The following BAIAP3 variants were observed in gnomAD, a reference collection of about 807,000 sequenced individuals.
BAIAP3 encodes BAI1 associated protein 3.
BAIAP3 carries 180 observed loss-of-function variants against 149.7 expected under a neutral mutation model. The observed-to-expected ratio is 1.20, with a 90% CI of 1.07 to 1.36. The LOEUF (loss-of-function observed/expected upper bound fraction) is 1.36, where lower values mean the gene tolerates loss of function less well. Ranked by LOEUF, BAIAP3 falls within the 40% of genes most tolerant of loss-of-function variation. The pLI is 0.00. For missense variants in BAIAP3, 1,767 were observed against 1,563.4 expected (o/e 1.13, Z -2.20); for synonymous variants, 845 against 670.7 (o/e 1.26, Z -4.02).
rs767642988 is a variant in BAIAP3 at position 1,348,367 on chromosome 16, C to T, written c.3356-12C>T. 33 of 1,611,300 alleles carry T rather than the reference C, an allele frequency of 2.0e-5. No homozygotes were observed. Among genetic ancestry groups the T allele is most frequent in the Admixed American group, 6.7e-5 (4 of 59,856 alleles). On this transcript the variant is annotated splice_polypyrimidine_tract_variant and intron_variant, in intron 33 of 33. Coordinates refer to ENST00000426824, the MANE Select transcript of BAIAP3 (RefSeq NM_001199097.2). ...ACCCCGGCCCCCACACACCTGCCCG[C>T]GCTGCTTGCAGTGAGATCTGCGCTG...
chr16:1,347,229 T>C (rs2034437685), intron 28 of BAIAP3, 69 bp from the exon 29 acceptor site: 2 of 1,491,856 alleles, frequency 1.3e-6, no homozygotes, highest in South Asian at 1.2e-5. Flanking sequence ...CCCTTTGTGC[T>C]GGGGGTCTCT....
Position 1,341,871 on chromosome 16 carries a change from A to G in BAIAP3, c.776+5A>G. The G allele has an allele frequency of 6.2e-7, 1 of 1,611,932 alleles. No homozygotes were observed. Among genetic ancestry groups the G allele is most frequent in the Non-Finnish European group, 8.5e-7 (1 of 1,179,602 alleles). On this transcript the variant is annotated splice_donor_5th_base_variant and intron_variant, in intron 9 of 33. Transcript: ENST00000426824. ...CCAGCTGCACCTGGACATCTGGTAC[A>G]GGCCCCTGCGCCATGCAGGGCGGCG...
rs1290166522 is a variant in BAIAP3, at chr16:1,344,671, A to G, written c.1730A>G (p.Tyr577Cys). The change falls in exon 19 of 34, where the codon TAC (tyrosine) becomes TGC (cysteine). Residue 577 changes from tyrosine to cysteine, a missense_variant. Physicochemically the swap from Tyr to Cys is radical, Grantham distance 194. Transcript: ENST00000426824. Reference protein sequence around the residue: ...DAVYDDLQFCYSVYASLFHSI... With the variant: ...DAVYDDLQFCCSVYASLFHSI... ...GTCTATGATGACCTTCAGTTCTGCT[A>G]CAGTGTGTACGCCAGCCTCTTCCAC... 1.2e-6 allele frequency: 2 copies of G among 1,613,454 alleles called. No homozygotes were observed. Among genetic ancestry groups the G allele is most frequent in the Admixed American group, 1.7e-5 (1 of 60,010 alleles).
chr16:1,345,303 G>A lies in BAIAP3; in HGVS notation c.1995G>A (p.Val665=). ...TCCACGCCCCCTTCCTGCCTGCTGT[G>A]AAGCTCTGGTTCCAAGTGCTGAGGG... is the stretch of plus-strand genomic sequence containing the variant. ...AGIHAPFLPA[V]KLWFQVLRDQ... The change falls in exon 22 of 34, where the codon GTG becomes GTA. Residue 665 remains valine (V), a synonymous_variant. Transcript: ENST00000426824. 1 of 1,613,116 alleles carries A rather than the reference G, an allele frequency of 6.2e-7. No individual in the cohort carries two copies.
rs561815867 is a variant in BAIAP3, at chr16:1,345,723, A to G, written c.2065-24A>G. ...CCAGCCTCCCCTGCCTCCCCAGCAA[A>G]CCCAGCCTCCCCTGCCTCCCTAGCT... On this transcript the variant is annotated intron_variant, in intron 22 of 33. Coordinates refer to ENST00000426824, the MANE Select transcript of BAIAP3 (RefSeq NM_001199097.2). The G allele has an allele frequency of 9.6e-6, 14 of 1,459,850 alleles. No individual in the cohort carries two copies. In the African/African-American group the frequency reaches 2.1e-4, roughly 22 times the overall value. 90.4% of individuals were successfully genotyped at this position (1,459,850 alleles called of 1,614,324 possible).
chr16:1,334,605 G>T (rs556906301), intron 1 of BAIAP3: 2 of 1,498,022 alleles, frequency 1.3e-6, no homozygotes, highest in Non-Finnish European at 1.8e-6. Flanking sequence ...AGGCTTCGGG[G>T]AGCCCAAGGC....
intron 1 of BAIAP3, chr16:1,334,682 G>A (rs1164510567): frequency 1.9e-6 from 3 of 1,553,662 alleles, no homozygotes; most frequent in South Asian, 2.4e-5. Context: ...GGGGAGCAGC[G>A]TTTGCAGCGG....
In BAIAP3 at chr16:1,338,834, T is replaced by C. The variant is rs993098494; in HGVS notation, c.132-68T>C. On this transcript the variant is annotated intron_variant, in intron 2 of 33. Transcript: ENST00000426824. ...GATGTCACATGGCCCTTCCTGCCCC[T>C]GGAGTCGAGGGTCCCAGGCAGGGGC... 1.2e-5 allele frequency: 19 copies of C among 1,598,958 alleles called. No individual in the cohort carries two copies. The Admixed American group carries it at 3.2e-4, about 27-fold the overall frequency.
In BAIAP3 at chr16:1,341,199, A is replaced by C; in HGVS notation, c.535+4A>C. On this transcript the variant is annotated splice_donor_region_variant and intron_variant, in intron 7 of 33. Transcript: ENST00000426824. ...CTTCTGGCCAAGGACCCCAACGGTG[A>C]GTGGGGACCCAGCAGACCTCGGCTG... 1 of 1,612,210 alleles carries C rather than the reference A, an allele frequency of 6.2e-7. No individual in the cohort carries two copies. The highest frequency in any genetic ancestry group is 8.5e-7 in the Non-Finnish European group (1 of 1,179,638).
rs1402207502 is a variant in BAIAP3, at chr16:1,349,318, C to T, written c.*836C>T. ...GCTGTGCTGGAAGTGTGGGGAGAAC[C>T]CGGACAGCTCAGTCCTGCCAGCAGC... is the stretch of plus-strand genomic sequence containing the variant. On this transcript the variant is annotated 3_prime_UTR_variant, in exon 34 of 34. Coordinates refer to ENST00000426824, the MANE Select transcript of BAIAP3 (RefSeq NM_001199097.2). The T allele has an allele frequency of 8.7e-7, 1 of 1,146,458 alleles. No individual in the cohort carries two copies. The highest frequency in any genetic ancestry group is 1.3e-6 in the Non-Finnish European group (1 of 760,772). 71.0% of individuals were successfully genotyped at this position (1,146,458 alleles called of 1,614,324 possible). A position where few individuals can be genotyped will look rare whatever the true frequency, so the allele number is the denominator to read the frequency against.
Position 1,347,980 on chromosome 16 carries a change from C to G in BAIAP3, c.3112C>G (p.Arg1038Gly), listed in dbSNP as rs372000120. The stretch of plus-strand genomic sequence containing the variant: ...CAGCCAGAGGACCCAGGTGAAGACC[C>G]GGACGCTGCACCCTGTATACGACGA... ...VRSQRTQVKTRTLHPVYDELF... is the reference protein window; with the variant it reads ...VRSQRTQVKTGTLHPVYDELF... Residue 1038 changes from arginine to glycine, a missense_variant, in exon 32 of 34, where the codon CGG (arginine) becomes GGG (glycine). Transcript: ENST00000426824. 5 of 1,611,444 alleles carry G rather than the reference C, an allele frequency of 3.1e-6. No homozygotes were observed. The highest frequency in any genetic ancestry group is 2.2e-5 in the South Asian group (2 of 91,090).
At chr16:1,341,747 C>T in intron 8 of BAIAP3, 75 bp from the exon 9 acceptor site, 1 of 1,502,786 alleles carries the variant, frequency 6.7e-7, no homozygotes, top group Non-Finnish European at 9.0e-7. Flanking sequence ...GTCCCTGCTG[C>T]TTCTGGACTC....
intron 2 of BAIAP3, 90 bp downstream of exon 2, chr16:1,338,770 G>A (rs1278080016): frequency 1.3e-6 from 2 of 1,572,834 alleles, no homozygotes; most frequent in Admixed American, 1.8e-5. Flanking sequence ...GCACCCCTGG[G>A]CGGGAAGGAG....
chr16:1,344,886 A>G (rs775634047), intron 20 of BAIAP3, 37 bp downstream of exon 20: 1 of 1,613,676 alleles, frequency 6.2e-7, no homozygotes, highest in Non-Finnish European at 8.5e-7. Flanking sequence ...CCTGCCAGGC[A>G]TGGGGAAGTG....
Position 1,339,184 on chromosome 16 carries a change from G to T in BAIAP3, c.240G>T (p.Ser80=), listed in dbSNP as rs750261137. 3 of 1,562,006 alleles carry T rather than the reference G, an allele frequency of 1.9e-6. No individual in the cohort carries two copies. Among genetic ancestry groups the T allele is most frequent in the Admixed American group, 1.9e-5 (1 of 51,834 alleles). ...PCLEVPLRSG[S]PAPPEPVDPS... is the part of the protein sequence containing the mutation. ...CACAGGTCCCCCTGCGCAGTGGCTC[G>T]CCAGCACCCCCGGAGCCTGTGGATC... The change falls in exon 4 of 34, where the codon TCG becomes TCT. Residue 80 remains serine, a synonymous_variant. Transcript: ENST00000426824.
intron 1 of BAIAP3, among the ~76,000 whole-genome samples, chr16:1,335,929 G>A (rs2033421580): frequency 6.6e-6 from 1 of 152,226 alleles, no homozygotes; most frequent in Admixed American, 6.5e-5. Flanking sequence ...TTGCCCATCT[G>A]AGATGCAGGG....
At position 1,348,512 on chromosome 16, in the gene BAIAP3, C is replaced by A. The variant is rs752411625; in HGVS notation, c.*30C>A. 2.7e-5 allele frequency: 43 copies of A among 1,574,436 alleles called. No homozygotes were observed. The highest frequency in any genetic ancestry group is 3.5e-5 in the Non-Finnish European group (41 of 1,159,988). ...ATCAGCTGCCAGCCCCGGCCCTGGC[C>A]CCCACCCCAAGTTCCCTGAAGCATC... On this transcript the variant is annotated 3_prime_UTR_variant, in exon 34 of 34. Transcript: ENST00000426824.
chr16:1,338,850 A>G, intron 2 of BAIAP3, 52 bp from the exon 3 acceptor site: 2 of 1,607,238 alleles, frequency 1.2e-6, no homozygotes, highest in South Asian at 2.2e-5. Context: ...CGAGGGTCCC[A>G]GGCAGGGGCC....
At chr16:1,336,410 C>T in intron 1 of BAIAP3, 1 of 984,738 alleles carries the variant, frequency 1.0e-6, no homozygotes, top group South Asian at 4.7e-5. Context: ...GTGAGTCCCC[C>T]CCGCAAGCAT....
Sources: gnomAD v4.1 joint callset for allele counts (sites outside exome capture counted in the v4.1 genomes callset) on GRCh38, gnomAD v4.1.1 for gene constraint, MANE v1.5 for transcripts, NCBI Gene and HGNC (gene_info 2026-07-23, HGNC 2026-07-21) for gene names.